AFF3: variants seen among roughly 807,000 people sequenced by gnomAD.
The protein encoded by AFF3 is AF4/FMR2 family member 3.
Under a neutral mutation model 129.7 loss-of-function variants are expected in AFF3, and 32 were observed. The observed-to-expected ratio is 0.25, with a 90% CI of 0.19 to 0.33. The LOEUF (loss-of-function observed/expected upper bound fraction) is 0.33. Among genes scored for constraint, AFF3 ranks in the 10% least tolerant of loss-of-function variants. The pLI is 1.00. For synonymous variants in AFF3, 644 were observed against 635.4 expected (o/e 1.01, Z -0.20); for missense variants, 1,373 against 1,592.0 (o/e 0.86, Z 2.34).
At chr2:99,781,174 G>A (rs756528145) in intron 8 of AFF3, among the ~76,000 whole-genome samples, 1 of 151,968 alleles carries the variant, frequency 6.6e-6, no homozygotes, top group Non-Finnish European at 1.5e-5. Flanking sequence ...TGTTCCCTTG[G>A]CCTGTCCACC....
intron 11 of AFF3, among the ~76,000 whole-genome samples, chr2:99,694,669 C>CAACAAA (rs755977813): frequency 8.6e-5 from 13 of 152,030 alleles, no homozygotes; most frequent in African/African-American, 1.2e-4. Context: ...TTAAAAAAGC[C>CAACAAA]AACAAAAACA....
At chr2:99,935,053 GT>G (rs1420890539) in intron 7 of AFF3, among the ~76,000 whole-genome samples, 2 of 152,314 alleles carry the variant, frequency 1.3e-5, no homozygotes, top group African/African-American at 4.8e-5. Context: ...AAAGATGTGT[GT>G]TTATGAGCCT....
intron 11 of AFF3, among the ~76,000 whole-genome samples, chr2:99,721,810 T>A (rs1286786359): frequency 1.3e-5 from 2 of 152,248 alleles, no homozygotes; most frequent in African/African-American, 2.4e-5. Flanking sequence ...TATAAATTAA[T>A]GTTTTCATCC....
intron 4 of AFF3, among the ~76,000 whole-genome samples, chr2:100,071,873 G>A (rs1015237476): frequency 6.6e-6 from 1 of 152,134 alleles, no homozygotes; most frequent in Non-Finnish European, 1.5e-5. Context: ...GGCACGTACT[G>A]TACAGCATAT....
intron 8 of AFF3, among the ~76,000 whole-genome samples, chr2:99,832,848 A>G (rs1396164057): frequency 3.9e-5 from 6 of 152,138 alleles, no homozygotes; most frequent in Admixed American, 3.9e-4. Context: ...CTCTACAGTT[A>G]CACCTGGATT....
At chr2:100,095,623 G>A (rs1559121534) in intron 4 of AFF3, among the ~76,000 whole-genome samples, 3 of 152,188 alleles carry the variant, frequency 2.0e-5, no homozygotes. Flanking sequence ...GGTTTCTCTT[G>A]TCAGTAGCAG....
At chr2:99,590,633 G>A (rs1194620469) in intron 15 of AFF3, among the ~76,000 whole-genome samples, 7 of 152,278 alleles carry the variant, frequency 4.6e-5, no homozygotes, top group Non-Finnish European at 2.9e-5. Context: ...GACCAACTAA[G>A]GGCGCCCACT....
chr2:99,649,243 G>A (rs1685008315), intron 13 of AFF3, among the ~76,000 whole-genome samples: 1 of 152,098 alleles, frequency 6.6e-6, no homozygotes, highest in Admixed American at 6.5e-5. Flanking sequence ...AAGATAGATA[G>A]CTCCCGGTGA....
At chr2:100,066,734 T>C (rs1687749131) in intron 4 of AFF3, among the ~76,000 whole-genome samples, 1 of 152,206 alleles carries the variant, frequency 6.6e-6, no homozygotes, top group African/African-American at 2.4e-5. Flanking sequence ...AGAAACACTC[T>C]CTTCCATCTT....
intron 7 of AFF3, among the ~76,000 whole-genome samples, chr2:99,923,110 T>C (rs1308671216): frequency 2.0e-5 from 3 of 152,190 alleles, no homozygotes; most frequent in South Asian, 2.1e-4. Flanking sequence ...GCCAAATTCA[T>C]TATGTTTTAA....
At chr2:100,061,861 G>GA (rs1038294584) in intron 4 of AFF3, among the ~76,000 whole-genome samples, 3 of 151,310 alleles carry the variant, frequency 2.0e-5, no homozygotes, top group African/African-American at 4.8e-5. Context: ...CAGTGGAGGG[G>GA]GGGGGGGTGC....
intron 7 of AFF3, among the ~76,000 whole-genome samples, chr2:99,909,464 G>T (rs1371519550): frequency 2.1e-5 from 3 of 146,194 alleles, no homozygotes; most frequent in African/African-American, 7.6e-5. Flanking sequence ...AGTTACTGGG[G>T]GGAGAGGAGA....
intron 8 of AFF3, among the ~76,000 whole-genome samples, chr2:99,779,182 T>C (rs550818515): frequency 1.3e-5 from 2 of 152,290 alleles, no homozygotes; most frequent in South Asian, 4.1e-4. Flanking sequence ...GGGTATCTGT[T>C]CTAGCTGGAG....
At chr2:100,090,781 A>G (rs1314930786) in intron 4 of AFF3, among the ~76,000 whole-genome samples, 1 of 152,134 alleles carries the variant, frequency 6.6e-6, no homozygotes, top group African/African-American at 2.4e-5. Flanking sequence ...GGTTCAAGTG[A>G]TTCTCCTGCC....
chr2:99,607,966 TA>T (rs983164605), intron 13 of AFF3, among the ~76,000 whole-genome samples: 1 of 151,626 alleles, frequency 6.6e-6, no homozygotes, highest in Non-Finnish European at 1.5e-5. Flanking sequence ...AATTGTCGTC[TA>T]AAAAAAAACC....
rs147125024 is a variant in AFF3 at position 99,584,051 on chromosome 2, A to G, written c.2592-1052T>C. ...CTTTTGCTATCTCATCTGAGCTTGT[A>G]CTAAATATAATATAGAAAAATAATA... On this transcript the variant is annotated intron_variant, in intron 16 of 24. Coordinates refer to ENST00000672756, the MANE Select transcript of AFF3 (RefSeq NM_001386135.1). 9.8e-5 allele frequency among the ~76,000 whole-genome samples: 15 copies of G among 152,292 alleles called. No individual in the cohort carries two copies. In the East Asian group the frequency reaches 2.7e-3, roughly 27 times the overall value.
intron 8 of AFF3, among the ~76,000 whole-genome samples, chr2:99,813,541 T>C (rs1179448416): frequency 6.6e-6 from 1 of 152,226 alleles, no homozygotes; most frequent in African/African-American, 2.4e-5. Context: ...CATGCTCATG[T>C]TGGCTCATTA....
Position 99,593,852 on chromosome 2 carries a change from G to T in AFF3, c.1809C>A (p.His603Gln). The T allele has an allele frequency of 6.3e-7, 1 of 1,590,912 alleles. No homozygotes were observed. Residue 603 changes from histidine (H) to glutamine (Q), a missense_variant, in exon 15 of 25, where the codon CAC becomes CAA. His to Gln is a conservative substitution (Grantham distance 24). This residue lies in a region of AFF3 where 466 missense variants were observed against 505.0 expected (regional missense o/e 0.92). Transcript: ENST00000672756. Reference sequence around the variant, plus strand: ...CCGCGGCCGCGGGCTCCTCGGGCCGGTGGCAGTTGGCGCCGTCCCCGGCTG... The same window carrying T: ...CCGCGGCCGCGGGCTCCTCGGGCCGTTGGCAGTTGGCGCCGTCCCCGGCTG... ...RTSAGDGANC[H>Q]RPEEPAAADA...
At chr2:99,586,342 C>CCTGTGTGT (rs1678115400) in intron 16 of AFF3, among the ~76,000 whole-genome samples, 1 of 152,172 alleles carries the variant, frequency 6.6e-6, no homozygotes, top group Admixed American at 6.5e-5. Flanking sequence ...CTGCAGTGTG[C>CCTGTGTGT]CTGTGTGTGT....
Sources: allele counts gnomAD v4.1 joint callset (sites outside exome capture counted in the v4.1 genomes callset), GRCh38; gene constraint gnomAD v4.1.1; regional missense constraint gnomAD v4.1.1; transcripts MANE v1.5; gene names NCBI Gene and HGNC (gene_info 2026-07-23, HGNC 2026-07-21).